The following MRTO4 variants were observed in gnomAD, a reference collection of about 807,000 sequenced individuals.
MRTO4 encodes the protein MRT4 homolog, ribosome maturation factor, also known as mRNA turnover protein 4 homolog.
A neutral mutation model predicts 28.6 loss-of-function variants in MRTO4; 7 were observed. That is an observed-to-expected ratio of 0.24 (90% CI 0.14 to 0.46). The LOEUF is 0.46. Ranked by LOEUF, MRTO4 falls within the 20% of genes least tolerant of loss-of-function variation. The pLI is 0.99. For missense variants in MRTO4, 302 were observed against 298.3 expected (o/e 1.01, Z -0.09); for synonymous variants, 113 against 108.2 (o/e 1.04, Z -0.27).
At chr1:19,252,416 G>T (rs566375010) in intron 1 of MRTO4, among the ~76,000 whole-genome samples, 9 of 152,330 alleles carry the variant, frequency 5.9e-5, no homozygotes, top group African/African-American at 2.2e-4. Flanking sequence ...TAACACTGCA[G>T]GCCGGATGCG....
intron 1 of MRTO4, among the ~76,000 whole-genome samples, chr1:19,252,476 T>C (rs1016400084): frequency 1.3e-5 from 2 of 152,114 alleles, no homozygotes; most frequent in African/African-American, 4.8e-5. Flanking sequence ...GGCGGGCGAA[T>C]CATCTGAGGT....
intron 3 of MRTO4, 21 bp from the exon 4 acceptor site, chr1:19,257,043 G>T (rs1358225408): frequency 6.2e-7 from 1 of 1,612,338 alleles, no homozygotes; most frequent in African/African-American, 1.3e-5. Flanking sequence ...TTCACAGAAT[G>T]CTCTTTCTCT....
At position 19,251,935 on chromosome 1, in the gene MRTO4, CG is replaced by C; in HGVS notation, c.28+76del. The C allele has an allele frequency of 2.0e-6, 3 of 1,530,738 alleles. 1 individual carries two copies. The South Asian group carries it at 3.6e-5, about 18-fold the overall frequency. 94.8% of individuals were successfully genotyped at this position (1,530,738 alleles called of 1,614,324 possible). On this transcript the variant is annotated intron_variant, in intron 1 of 7. Transcript: ENST00000330263. ...GCTACCCAGCCTGCGGTGAGGGCTT[CG>C]GGGCGGCGGGGGCGCAGATTGGAAC...
At chr1:19,258,131 TGG>T (rs2093674398) in intron 6 of MRTO4, 147 bp downstream of exon 6, 9 of 1,118,764 alleles carry the variant, frequency 8.0e-6, no homozygotes, top group Admixed American at 2.9e-5. Context: ...TGCCTCACAG[TGG>T]GGGTGAAAGC....
At chr1:19,253,597 C>G (rs559821625) in intron 1 of MRTO4, among the ~76,000 whole-genome samples, 1 of 152,310 alleles carries the variant, frequency 6.6e-6, no homozygotes, top group Admixed American at 6.5e-5. Flanking sequence ...CAGCATTAAT[C>G]CAAGACAGGG....
rs566375010 is a variant in MRTO4 at position 19,252,416 on chromosome 1, G to A, written c.28+553G>A. ...GCAGTGGCGCGATCGTAACACTGCA[G>A]GCCGGATGCGGTGGCTCACGCCTGT... On this transcript the variant is annotated intron_variant, in intron 1 of 7. Coordinates refer to ENST00000330263, the MANE Select transcript of MRTO4 (RefSeq NM_016183.4). Among the ~76,000 whole-genome samples, 102 of 152,330 alleles carry A rather than the reference G, an allele frequency of 6.7e-4. 1 individual carries two copies. Among genetic ancestry groups the A allele is most frequent in the South Asian group, 2.1e-3 (10 of 4,830 alleles).
chr1:19,257,814 C>T lies in MRTO4; in HGVS notation c.342-19C>T. Reference sequence around the variant, plus strand: ...CGTGGCCAGGAGCATCTCCTCCTACCACTTCTCTTTTCCCTTAGGTGGTTC... The same window carrying T: ...CGTGGCCAGGAGCATCTCCTCCTACTACTTCTCTTTTCCCTTAGGTGGTTC... On this transcript the variant is annotated intron_variant, in intron 5 of 7. Coordinates refer to ENST00000330263, the MANE Select transcript of MRTO4 (RefSeq NM_016183.4). 1 of 1,611,200 alleles carries T rather than the reference C, an allele frequency of 6.2e-7. No homozygotes were observed. The highest frequency in any genetic ancestry group is 8.5e-7 in the Non-Finnish European group (1 of 1,179,326).
intron 1 of MRTO4, 120 bp from the exon 2 acceptor site, chr1:19,254,662 T>A: frequency 1.2e-6 from 1 of 846,614 alleles, no homozygotes; most frequent in Non-Finnish European, 2.0e-6. Context: ...AAGGCCTTGC[T>A]GCCTTTTTTC....
chr1:19,252,195 C>T (rs2093662515), intron 1 of MRTO4: 3 of 394,748 alleles, frequency 7.6e-6, no homozygotes, highest in Non-Finnish European at 1.4e-5. Context: ...TCGGCCCTTT[C>T]TCATCTTCCT....
rs186851379 is a variant in MRTO4 at position 19,257,912 on chromosome 1, C to A, written c.421C>A (p.Pro141Thr). The A allele has an allele frequency of 6.2e-7, 1 of 1,614,100 alleles. No individual in the cohort carries two copies. The highest frequency in any genetic ancestry group is 1.7e-5 in the Admixed American group (1 of 60,028). ...TTTCACTGTGAGCCTGGATCCAGGG[C>A]CCCTGGAGCAGTTCCCCCACTCCAT... ...AAFTVSLDPG[P>T]LEQFPHSMEP... Residue 141 changes from proline (P) to threonine (T), a missense_variant, in exon 6 of 8, where the codon CCC becomes ACC. Pro to Thr is a conservative substitution (Grantham distance 38, BLOSUM62 -1). Transcript: ENST00000330263.
chr1:19,256,610 T>G (rs1237310628), intron 3 of MRTO4, among the ~76,000 whole-genome samples: 2 of 152,178 alleles, frequency 1.3e-5, no homozygotes, highest in Admixed American at 6.5e-5. Context: ...AGTGGCCCTT[T>G]AACCCTGGAC....
At chr1:19,257,174 C>G in intron 4 of MRTO4, 29 bp downstream of exon 4, 1 of 1,607,500 alleles carries the variant, frequency 6.2e-7, no homozygotes, top group Non-Finnish European at 8.5e-7. Flanking sequence ...CGGGGTGGAG[C>G]TAAGGCAAAG....
At chr1:19,253,984 C>G (rs983205701) in intron 1 of MRTO4, among the ~76,000 whole-genome samples, 1 of 152,110 alleles carries the variant, frequency 6.6e-6, no homozygotes, top group East Asian at 1.9e-4. Context: ...GTCCAAATTG[C>G]AATACTGGGG....
At chr1:19,257,296 G>A (rs923185028) in intron 4 of MRTO4, 151 bp downstream of exon 4, 49 of 1,191,680 alleles carry the variant, frequency 4.1e-5, no homozygotes, top group Admixed American at 7.0e-5. Context: ...CTTCACCTCC[G>A]GACCCAAGGA....
intron 6 of MRTO4, 38 bp from the exon 7 acceptor site, chr1:19,258,439 C>G (rs756676889): frequency 5.5e-5 from 88 of 1,611,262 alleles, no homozygotes; most frequent in Non-Finnish European, 7.3e-5. Flanking sequence ...CTGCAGGCCT[C>G]TGGGCCAGAG....
At chr1:19,258,381 C>A in intron 6 of MRTO4, 96 bp from the exon 7 acceptor site, 3 of 1,427,368 alleles carry the variant, frequency 2.1e-6, no homozygotes, top group Non-Finnish European at 2.9e-6. Flanking sequence ...GTGGGGAGGG[C>A]AGGTGGCTGA....
intron 2 of MRTO4, among the ~76,000 whole-genome samples, chr1:19,255,474 T>C (rs149183336): frequency 8.1e-4 from 123 of 151,424 alleles, no homozygotes; most frequent in African/African-American, 2.9e-3. Context: ...TCTGTACAGC[T>C]TCTGACCTGC....
chr1:19,258,624 C>T, intron 7 of MRTO4, 57 bp from the exon 8 acceptor site: 1 of 1,614,082 alleles, frequency 6.2e-7, no homozygotes, highest in South Asian at 1.1e-5. Flanking sequence ...AAAATGCCCC[C>T]CTGCACTTTG....
At chr1:19,252,687 C>T (rs2093664061) in intron 1 of MRTO4, among the ~76,000 whole-genome samples, 1 of 152,210 alleles carries the variant, frequency 6.6e-6, no homozygotes, top group Non-Finnish European at 1.5e-5. Context: ...CACGACAGAG[C>T]GAGACTCCGT....
Sources: allele counts gnomAD v4.1 joint callset (sites outside exome capture counted in the v4.1 genomes callset), GRCh38; gene constraint gnomAD v4.1.1; transcripts MANE v1.5; gene names NCBI Gene and HGNC (gene_info 2026-07-23, HGNC 2026-07-21).